The following SZRD1 variants were observed in gnomAD, a reference collection of about 807,000 sequenced individuals.
The protein encoded by SZRD1 is SUZ RNA binding domain containing 1.
In SZRD1, 7 loss-of-function variants were observed where a neutral mutation model predicts 17.6. That is an observed-to-expected ratio of 0.40 (90% CI 0.23 to 0.75). The LOEUF (loss-of-function observed/expected upper bound fraction) is 0.75. Ranked by LOEUF, SZRD1 falls within the 30% of genes least tolerant of loss-of-function variation. SZRD1 has a pLI of 0.38. For synonymous variants in SZRD1, 77 were observed against 77.9 expected, an observed-to-expected ratio of 0.99 and a Z score of 0.06; for missense variants, 178 against 201.8, an observed-to-expected ratio of 0.88 and a Z score of 0.71.
intron 1 of SZRD1, among the ~76,000 whole-genome samples, chr1:16,388,032 C>A (rs2085155673): frequency 6.6e-6 from 1 of 152,138 alleles, no homozygotes; most frequent in Non-Finnish European, 1.5e-5. Flanking sequence ...AACTGTGTTC[C>A]AAGCTGGAGC....
rs537047418 is a variant in SZRD1, at chr1:16,378,821, G to C, written c.51+11513G>C. On this transcript the variant is annotated intron_variant, in intron 1 of 3. Coordinates refer to ENST00000401088, the MANE Select transcript of SZRD1 (RefSeq NM_001114600.3). ...GGCTCATTACAACCTCCACCCTCTG[G>C]GTTCAAGTGATTCTCCTGCCTGAGC... is the stretch of plus-strand genomic sequence containing the variant. 4.6e-5 allele frequency among the ~76,000 whole-genome samples: 7 copies of C among 151,934 alleles called. No individual in the cohort carries two copies. In the South Asian group the frequency reaches 1.5e-3, roughly 32 times the overall value.
chr1:16,392,332 T>C (rs992881949), intron 2 of SZRD1, among the ~76,000 whole-genome samples: 4 of 152,190 alleles, frequency 2.6e-5, no homozygotes, highest in African/African-American at 4.8e-5. Flanking sequence ...GGTTGACTGC[T>C]CTGGGTAGGG....
intron 1 of SZRD1, among the ~76,000 whole-genome samples, chr1:16,389,268 A>AG (rs1198857743): frequency 3.7e-4 from 10 of 27,078 alleles, no homozygotes; most frequent in African/African-American, 1.3e-3. Flanking sequence ...TATTTTTTTG[A>AG]GGGGGGGTGG....
chr1:16,393,461 A>G lies in SZRD1; in HGVS notation c.335A>G (p.Gln112Arg). 1 of 1,613,134 alleles carries G rather than the reference A, an allele frequency of 6.2e-7. No individual in the cohort carries two copies. The highest frequency in any genetic ancestry group is 8.5e-7 in the Non-Finnish European group (1 of 1,179,644). ...GGCAGCGCCAGCCCCGAGGAGGAGCAGGAGAAACCCATCCTCGACAGGTGA... is the reference window on the plus strand; with the variant it reads ...GGCAGCGCCAGCCCCGAGGAGGAGCGGGAGAAACCCATCCTCGACAGGTGA... ...ILGSASPEEEQEKPILDRPTR... is the reference protein window; with the variant it reads ...ILGSASPEEEREKPILDRPTR... Residue 112 changes from glutamine to arginine, a missense_variant, in exon 3 of 4, where the codon CAG (glutamine) becomes CGG (arginine). Around this residue, in one of 3 missense-constraint regions of SZRD1, gnomAD observed 57 missense variants for 71.9 expected, o/e 0.79. Coordinates refer to ENST00000401088, the MANE Select transcript of SZRD1 (RefSeq NM_001114600.3). The surrounding 1 kb of genome is among the most constrained non-coding windows in gnomAD (Gnocchi z 5.6).
intron 1 of SZRD1, among the ~76,000 whole-genome samples, chr1:16,385,149 C>A (rs574661720): frequency 1.3e-5 from 2 of 152,096 alleles, no homozygotes; most frequent in African/African-American, 4.8e-5. Context: ...TCTTGGGAGT[C>A]GTGTTGGTGA....
At chr1:16,369,144 T>G (rs1421993856) in intron 1 of SZRD1, 5 of 423,414 alleles carry the variant, frequency 1.2e-5, no homozygotes, top group Non-Finnish European at 2.1e-5. Context: ...TCCAGATAAA[T>G]GAAATTTAAT....
At chr1:16,380,242 AG>A (rs2083076959) in intron 1 of SZRD1, among the ~76,000 whole-genome samples, 1 of 149,604 alleles carries the variant, frequency 6.7e-6, no homozygotes, top group Non-Finnish European at 1.5e-5. Flanking sequence ...TGGGAGGCTG[AG>A]GCAGGAGGAT....
At chr1:16,389,771 G>T (rs755085834) in intron 1 of SZRD1, among the ~76,000 whole-genome samples, 6 of 152,236 alleles carry the variant, frequency 3.9e-5, no homozygotes, top group African/African-American at 9.6e-5. Context: ...AGAACATACA[G>T]AGCACTTACG....
chr1:16,367,320 C>T lies in SZRD1; in HGVS notation c.51+12C>T, dbSNP rs1043547404. On this transcript the variant is annotated intron_variant, in intron 1 of 3. Coordinates refer to ENST00000401088, the MANE Select transcript of SZRD1 (RefSeq NM_001114600.3). ...CGGCAGACAGCGGGGTAAGGAGGAGCCGCCGTCCCATGGCAGGGCCGGGCG... is the reference window on the plus strand; with the variant it reads ...CGGCAGACAGCGGGGTAAGGAGGAGTCGCCGTCCCATGGCAGGGCCGGGCG... The T allele has an allele frequency of 1.9e-6, 3 of 1,547,740 alleles. No homozygotes were observed. Among genetic ancestry groups the T allele is most frequent in the African/African-American group, 1.4e-5 (1 of 73,020 alleles).
intron 1 of SZRD1, among the ~76,000 whole-genome samples, chr1:16,373,185 G>T (rs1274537350): frequency 6.6e-6 from 1 of 151,882 alleles, no homozygotes; most frequent in South Asian, 2.1e-4. Context: ...CTTGTACTTG[G>T]TTCTGGAAGC....
chr1:16,387,648 A>G (rs1391736968), intron 1 of SZRD1: 1 of 456,498 alleles, frequency 2.2e-6, no homozygotes, highest in African/African-American at 2.0e-5. Flanking sequence ...TTTGGTCTCA[A>G]CCCTCAAAGG....
At chr1:16,376,783 G>C (rs1490859954) in intron 1 of SZRD1, among the ~76,000 whole-genome samples, 1 of 145,718 alleles carries the variant, frequency 6.9e-6, no homozygotes, top group Non-Finnish European at 1.5e-5. Context: ...TCCAGCCTGG[G>C]CGACACAGCG....
chr1:16,379,967 G>C (rs1570016111), intron 1 of SZRD1, among the ~76,000 whole-genome samples: 1 of 151,980 alleles, frequency 6.6e-6, no homozygotes, highest in Non-Finnish European at 1.5e-5. Flanking sequence ...TCACCATGTT[G>C]GCCAGGCTGG....
chr1:16,396,969 A>G lies in SZRD1; in HGVS notation c.*1829A>G, dbSNP rs534417338. On this transcript the variant is annotated 3_prime_UTR_variant, in exon 4 of 4. Transcript: ENST00000401088. ...AGGAAGAAAACTGGCTGCTATCTTT[A>G]TAGTTCCACTGCCCTAACCAAGTGT... The G allele has an allele frequency of 6.6e-6, 1 of 152,426 alleles. No homozygotes were observed. Among genetic ancestry groups the G allele is most frequent in the African/African-American group, 2.4e-5 (1 of 41,598 alleles). 9.4% of individuals were successfully genotyped at this position (152,426 alleles called of 1,614,324 possible). A position where few individuals can be genotyped will look rare whatever the true frequency, so the allele number is the denominator to read the frequency against.
rs116666501 is a variant in SZRD1, at chr1:16,388,468, T to C, written c.52-2907T>C. 2.9e-3 allele frequency among the ~76,000 whole-genome samples: 446 copies of C among 152,246 alleles called. 1 individual carries two copies. Among genetic ancestry groups the C allele is most frequent in the African/African-American group, 0.01 (430 of 41,544 alleles). ...ATCAGGATAGGTGTCAGTGTTAGACTAGATTTAAATCTAGTTTCATATGGT... is the reference window on the plus strand; with the variant it reads ...ATCAGGATAGGTGTCAGTGTTAGACCAGATTTAAATCTAGTTTCATATGGT... On this transcript the variant is annotated intron_variant, in intron 1 of 3. Coordinates refer to ENST00000401088, the MANE Select transcript of SZRD1 (RefSeq NM_001114600.3).
chr1:16,378,817 T>C (rs1418069278), intron 1 of SZRD1, among the ~76,000 whole-genome samples: 3 of 150,732 alleles, frequency 2.0e-5, no homozygotes, highest in Non-Finnish European at 4.4e-5. Context: ...ACCTCCACCC[T>C]CTGGGTTCAA....
chr1:16,386,609 GC>G (rs1167688486), intron 1 of SZRD1, among the ~76,000 whole-genome samples: 1 of 152,162 alleles, frequency 6.6e-6, no homozygotes, highest in Non-Finnish European at 1.5e-5. Flanking sequence ...GAGATGCGAT[GC>G]CCTCTCCAGC....
Position 16,395,341 on chromosome 1 carries a change from G to C in SZRD1, c.*201G>C. On this transcript the variant is annotated 3_prime_UTR_variant, in exon 4 of 4. Coordinates refer to ENST00000401088, the MANE Select transcript of SZRD1 (RefSeq NM_001114600.3). ...CTCCCCCCTTCTCCCCCTTCCCACT[G>C]TGATTGGCACATCGACAAGGGCTGT... 2 of 610,054 alleles carry C rather than the reference G, an allele frequency of 3.3e-6. No homozygotes were observed. Among genetic ancestry groups the C allele is most frequent in the Non-Finnish European group, 6.1e-6 (2 of 328,818 alleles). 37.8% of individuals were successfully genotyped at this position (610,054 alleles called of 1,614,324 possible). A position where few individuals can be genotyped will look rare whatever the true frequency, so the allele number is the denominator to read the frequency against.
In SZRD1 at chr1:16,372,920, A is replaced by G. The variant is rs561591429; in HGVS notation, c.51+5612A>G. Reference sequence around the variant, plus strand: ...ATAAGTGGGGTACCATGGCTGGATCAGAGAAAGTCTTGTAAAGAAGACGAT... The same window carrying G: ...ATAAGTGGGGTACCATGGCTGGATCGGAGAAAGTCTTGTAAAGAAGACGAT... On this transcript the variant is annotated intron_variant, in intron 1 of 3. Transcript: ENST00000401088. Among the ~76,000 whole-genome samples, 4 of 152,334 alleles carry G rather than the reference A, an allele frequency of 2.6e-5. No homozygotes were observed. In the South Asian group the frequency reaches 8.3e-4, roughly 32 times the overall value.
Sources: gnomAD v4.1 joint callset for allele counts (sites outside exome capture counted in the v4.1 genomes callset) on GRCh38, gnomAD v4.1.1 for gene constraint, gnomAD v4.1.1 regional missense constraint, Gnocchi (gnomAD v3.1) non-coding constraint, MANE v1.5 for transcripts, NCBI Gene and HGNC (gene_info 2026-07-23, HGNC 2026-07-21) for gene names.